The following REV1 variants were observed in gnomAD, a reference collection of about 807,000 sequenced individuals.
REV1 encodes translesion synthesis protein REV1.
REV1 carries 42 observed loss-of-function variants against 137.4 expected under a neutral mutation model. That is an observed-to-expected ratio of 0.31 (90% CI 0.24 to 0.40). The LOEUF (loss-of-function observed/expected upper bound fraction) is 0.40, where lower values mean the gene tolerates loss of function less well. Ranked by LOEUF, REV1 falls within the 10% of genes least tolerant of loss-of-function variation. The pLI, the probability that REV1 is intolerant of heterozygous loss-of-function variation, is 1.00. For missense variants in REV1, 1,282 were observed against 1,490.1 expected (o/e 0.86, Z 2.30); for synonymous variants, 524 against 519.2 (o/e 1.01, Z -0.12).
intron 8 of REV1, 114 bp from the exon 9 acceptor site, chr2:99,430,062 TAC>T (rs1679921815): frequency 3.5e-6 from 2 of 571,436 alleles, no homozygotes; most frequent in Non-Finnish European, 3.0e-6. Context: ...AAATTCCAAA[TAC>T]AGTTATCTCT....
chr2:99,474,810 G>A (rs1462722685), intron 1 of REV1, among the ~76,000 whole-genome samples: 3 of 151,926 alleles, frequency 2.0e-5, no homozygotes, highest in Admixed American at 6.6e-5. Context: ...ACTGAGGCAC[G>A]ACAATCACTT....
Position 99,443,929 on chromosome 2 carries a change from C to T in REV1, c.351-1460G>A, listed in dbSNP as rs149743231. On this transcript the variant is annotated intron_variant, in intron 4 of 22. Coordinates refer to ENST00000258428, the MANE Select transcript of REV1 (RefSeq NM_016316.4). ...GCGATCTCGGCTTCACGCCATTCTC[C>T]TGCCTCAGCTTCCCGAGTAGCTGGG... 3.3e-3 allele frequency among the ~76,000 whole-genome samples: 508 copies of T among 152,236 alleles called. 3 individuals are homozygous for T. Among genetic ancestry groups the T allele is most frequent in the African/African-American group, 0.012 (492 of 41,548 alleles).
Position 99,438,753 on chromosome 2 carries a change from G to C in REV1, c.1061C>G (p.Ser354Cys), listed in dbSNP as rs1313243609. ...TGATATGTGATGCAGTCTTGAATGA[G>C]AATAGAAGTTTGAAATAAAATTGCA... is the stretch of plus-strand genomic sequence containing the variant. ...SDCNFISNFY[S>C]HSRLHHISMW... is the part of the protein sequence containing the mutation. The change falls in exon 6 of 23, where the codon TCT becomes TGT. Residue 354 changes from serine (S) to cysteine (C), a missense_variant. Transcript: ENST00000258428. 2 of 1,614,182 alleles carry C rather than the reference G, an allele frequency of 1.2e-6. No individual in the cohort carries two copies. Among genetic ancestry groups the C allele is most frequent in the East Asian group, 2.2e-5 (1 of 44,892 alleles).
chr2:99,472,793 G>A (rs1340584507), intron 1 of REV1, among the ~76,000 whole-genome samples: 5 of 152,162 alleles, frequency 3.3e-5, no homozygotes, highest in Non-Finnish European at 5.9e-5. Context: ...GTGCTAGCAC[G>A]CATGCCCTAA....
chr2:99,417,821 G>C (rs1678099935), intron 12 of REV1, among the ~76,000 whole-genome samples: 1 of 152,154 alleles, frequency 6.6e-6, no homozygotes, highest in Non-Finnish European at 1.5e-5. Flanking sequence ...AAATATACCA[G>C]TTCCTTCTTA....
Position 99,406,121 on chromosome 2 carries a change from T to C in REV1, c.2615-15A>G, listed in dbSNP as rs1676260825. ...AGCCCGAAATACTACAAAAAGAAAA[T>C]ATATAAAATAGCCTCTTCAGATCAT... On this transcript the variant is annotated splice_polypyrimidine_tract_variant and intron_variant, in intron 16 of 22. Transcript: ENST00000258428. The C allele has an allele frequency of 6.3e-7, 1 of 1,596,442 alleles. No individual in the cohort carries two copies.
intron 4 of REV1, among the ~76,000 whole-genome samples, chr2:99,446,491 T>G (rs1682227685): frequency 6.6e-6 from 1 of 152,068 alleles, no homozygotes; most frequent in Non-Finnish European, 1.5e-5. Context: ...GAAAATAGCA[T>G]TTTCTTTTCT....
At chr2:99,444,086 C>T (rs890225528) in intron 4 of REV1, among the ~76,000 whole-genome samples, 1 of 152,194 alleles carries the variant, frequency 6.6e-6, no homozygotes, top group Non-Finnish European at 1.5e-5. Context: ...TCCCAAAGTG[C>T]TGGGATTACA....
chr2:99,439,671 C>A (rs906568781), intron 5 of REV1, among the ~76,000 whole-genome samples: 1 of 152,086 alleles, frequency 6.6e-6, no homozygotes, highest in Admixed American at 6.5e-5. Context: ...AAAAACTTTT[C>A]AGTTATTTTT....
chr2:99,482,382 C>T (rs150661501), intron 1 of REV1, among the ~76,000 whole-genome samples: 26 of 152,262 alleles, frequency 1.7e-4, no homozygotes, highest in African/African-American at 5.8e-4. Flanking sequence ...CTGAGGTCTG[C>T]GAGTCATTCT....
chr2:99,437,148 T>G (rs1010435007), intron 6 of REV1, among the ~76,000 whole-genome samples: 2 of 151,268 alleles, frequency 1.3e-5, no homozygotes, highest in Admixed American at 6.6e-5. Context: ...CCCAGCTAAT[T>G]TTTTTTTTCT....
intron 12 of REV1, among the ~76,000 whole-genome samples, 158 bp from the exon 13 acceptor site, chr2:99,413,109 T>C (rs1677403362): frequency 6.6e-6 from 1 of 152,244 alleles, no homozygotes; most frequent in Admixed American, 6.5e-5. Flanking sequence ...GAAGAATTTT[T>C]TGGTGCAAAA....
chr2:99,401,471 GC>G, intron 22 of REV1, 119 bp from the exon 23 acceptor site: 1 of 620,444 alleles, frequency 1.6e-6, no homozygotes, highest in Non-Finnish European at 2.7e-6. Context: ...CTGGCCAGGT[GC>G]GGTGTGGCTC....
In REV1 at chr2:99,489,113, C is replaced by G. The variant is rs113892301; in HGVS notation, c.-11+704G>C. Among the ~76,000 whole-genome samples the G allele has an allele frequency of 2.8e-3, 422 of 152,226 alleles. 2 individuals are homozygous for G. The highest frequency in any genetic ancestry group is 9.8e-3 in the African/African-American group (407 of 41,540). ...ACAGCGCGGCTCGGTGCGCCCAGAG[C>G]GGCGTCACTGTAACAGTACAGAAGT... On this transcript the variant is annotated intron_variant, in intron 1 of 22. Coordinates refer to ENST00000258428, the MANE Select transcript of REV1 (RefSeq NM_016316.4).
chr2:99,401,639 C>T (rs186154190), intron 22 of REV1, among the ~76,000 whole-genome samples: 7 of 152,108 alleles, frequency 4.6e-5, no homozygotes, highest in East Asian at 3.9e-4. Flanking sequence ...CCCAGCTACC[C>T]GGGAGGCTGA....
At chr2:99,430,075 A>G (rs1679923882) in intron 8 of REV1, 127 bp from the exon 9 acceptor site, 1 of 523,034 alleles carries the variant, frequency 1.9e-6, no homozygotes, top group African/African-American at 2.0e-5. Flanking sequence ...AGTTATCTCT[A>G]TTGGTATTAT....
At chr2:99,478,146 G>A (rs1686197084) in intron 1 of REV1, among the ~76,000 whole-genome samples, 1 of 152,118 alleles carries the variant, frequency 6.6e-6, no homozygotes, top group African/African-American at 2.4e-5. Flanking sequence ...TGAGGCAGGA[G>A]GATCACTTAA....
At chr2:99,402,409 G>A in intron 21 of REV1, 63 bp from the exon 22 acceptor site, 1 of 881,570 alleles carries the variant, frequency 1.1e-6, no homozygotes, top group Non-Finnish European at 1.8e-6. Context: ...TCAGAGATCT[G>A]CATGGATAAA....
intron 1 of REV1, among the ~76,000 whole-genome samples, chr2:99,474,188 G>A (rs2105259398): frequency 6.6e-6 from 1 of 152,050 alleles, no homozygotes; most frequent in Middle Eastern, 3.4e-3. Context: ...CACTTCTGAA[G>A]TATCCTTAGT....
Sources: gnomAD v4.1 joint callset for allele counts (sites outside exome capture counted in the v4.1 genomes callset) on GRCh38, gnomAD v4.1.1 for gene constraint, MANE v1.5 for transcripts, NCBI Gene and HGNC (gene_info 2026-07-23, HGNC 2026-07-21) for gene names.